The following EPB41L5 variants were observed in gnomAD, a reference collection of about 807,000 sequenced individuals.
The protein encoded by EPB41L5 is erythrocyte membrane protein band 4.1 like 5.
Under a neutral mutation model 106.6 loss-of-function variants are expected in EPB41L5, and 55 were observed. The observed-to-expected ratio is 0.52, with a 90% CI of 0.42 to 0.65. The LOEUF is 0.65. Ranked by LOEUF, EPB41L5 falls within the 30% of genes least tolerant of loss-of-function variation. EPB41L5 has a pLI of 0.00. For synonymous variants in EPB41L5, 297 were observed against 306.7 expected, an observed-to-expected ratio of 0.97 and a Z score of 0.33; for missense variants, 871 against 882.1, an observed-to-expected ratio of 0.99 and a Z score of 0.16.
chr2:120,146,421 A>C, intron 20 of EPB41L5, 132 bp downstream of exon 20: 1 of 589,112 alleles, frequency 1.7e-6, no homozygotes, highest in Non-Finnish European at 3.0e-6. Flanking sequence ...TATTGTATCC[A>C]TTACAGACCA....
chr2:120,122,022 G>C (rs1685238308), intron 16 of EPB41L5, among the ~76,000 whole-genome samples: 1 of 151,948 alleles, frequency 6.6e-6, no homozygotes, highest in African/African-American at 2.4e-5. Flanking sequence ...TTTTTGATGG[G>C]GTTGTTTTTT....
Position 120,150,090 on chromosome 2 carries a change from G to A in EPB41L5, c.1793+3801G>A, listed in dbSNP as rs190168762. Among the ~76,000 whole-genome samples, 42 of 151,986 alleles carry A rather than the reference G, an allele frequency of 2.8e-4. No homozygotes were observed. In the East Asian group the frequency reaches 7.0e-3, roughly 25 times the overall value. On this transcript the variant is annotated intron_variant, in intron 20 of 24. Coordinates refer to ENST00000263713, the MANE Select transcript of EPB41L5 (RefSeq NM_020909.4). The stretch of plus-strand genomic sequence containing the variant: ...TTTTCATTTCTGGGAGAGACAAGGT[G>A]TCACTGTGTTGCCCAGGCTGGTCTT...
chr2:120,075,660 A>G (rs1558850611), intron 6 of EPB41L5, 41 bp from the exon 7 acceptor site: 1 of 1,555,144 alleles, frequency 6.4e-7, no homozygotes, highest in Non-Finnish European at 8.9e-7. Flanking sequence ...AATGAAGGTT[A>G]TGAAATCAAC....
In EPB41L5 at chr2:120,093,381, T is replaced by C. The variant is rs1683542863; in HGVS notation, c.1178+105T>C. ...ACCTATCAAAATGTCAAGTTGTCCG[T>C]AAAGCACCAGGGATATGTCAGGGAA... On this transcript the variant is annotated intron_variant, in intron 14 of 24. Transcript: ENST00000263713. 4.3e-6 allele frequency: 4 copies of C among 921,634 alleles called. No homozygotes were observed. In the Admixed American group the frequency reaches 7.1e-5, roughly 16 times the overall value. The allele number at this position is 921,634 out of a possible 1,614,324, so 57.1% of individuals were successfully genotyped here. A position where few individuals can be genotyped will look rare whatever the true frequency, so the allele number is the denominator to read the frequency against.
At chr2:120,027,969 T>C (rs758738496) in intron 2 of EPB41L5, among the ~76,000 whole-genome samples, 2 of 152,026 alleles carry the variant, frequency 1.3e-5, no homozygotes, top group Non-Finnish European at 2.9e-5. Context: ...TTCAAGCGAT[T>C]CTACTGCCTC....
At chr2:120,030,726 G>GT (rs755989732) in intron 2 of EPB41L5, among the ~76,000 whole-genome samples, 6 of 149,836 alleles carry the variant, frequency 4.0e-5, no homozygotes, top group East Asian at 2.0e-4. Flanking sequence ...GCTAATTTTT[G>GT]TGTTTTTTAC....
At chr2:120,135,615 C>T (rs1224865667) in intron 18 of EPB41L5, among the ~76,000 whole-genome samples, 2 of 152,088 alleles carry the variant, frequency 1.3e-5, no homozygotes, top group Non-Finnish European at 2.9e-5. Flanking sequence ...AGAAAAGAAA[C>T]AAACAACATA....
At chr2:120,077,604 G>C (rs940211102) in intron 9 of EPB41L5, among the ~76,000 whole-genome samples, 2 of 151,982 alleles carry the variant, frequency 1.3e-5, no homozygotes, top group African/African-American at 4.8e-5. Flanking sequence ...ATTGTTTTAA[G>C]CTTTTGAGCC....
chr2:120,047,512 G>A (rs1449476656), intron 3 of EPB41L5, among the ~76,000 whole-genome samples: 1 of 151,978 alleles, frequency 6.6e-6, no homozygotes, highest in East Asian at 1.9e-4. Context: ...CATTGATTTT[G>A]TATCCTGAGA....
Position 120,164,920 on chromosome 2 carries a change from C to G in EPB41L5, c.1962+10C>G. 2 of 1,583,132 alleles carry G rather than the reference C, an allele frequency of 1.3e-6. No individual in the cohort carries two copies. The highest frequency in any genetic ancestry group is 1.7e-6 in the Non-Finnish European group (2 of 1,162,476). The stretch of plus-strand genomic sequence containing the variant: ...CACAGTTGCACCTCAGGTAAATATG[C>G]TTTAAAATAGTATGATGGAAAGAAA... On this transcript the variant is annotated intron_variant, in intron 22 of 24. Transcript: ENST00000263713.
intron 2 of EPB41L5, among the ~76,000 whole-genome samples, chr2:120,040,060 GTCTGTGCTTTT>G (rs1679303404): frequency 6.7e-6 from 1 of 148,400 alleles, no homozygotes; most frequent in East Asian, 2.0e-4. Context: ...CTGAACTTTT[GTCTGTGCTTTT>G]TATATATATA....
rs186553967 is a variant in EPB41L5 at position 120,015,122 on chromosome 2, G to A, written c.-9+1912G>A. On this transcript the variant is annotated intron_variant, in intron 1 of 24. Transcript: ENST00000263713. ...GCGGATCACGAGGTCAGGAGATGGA[G>A]ACTATCCTGGCTAACACGGTGAAAC... is the stretch of plus-strand genomic sequence containing the variant. 5.2e-3 allele frequency among the ~76,000 whole-genome samples: 788 copies of A among 151,454 alleles called. 1 individual carries two copies. Among genetic ancestry groups the A allele is most frequent in the Non-Finnish European group, 8.2e-3 (554 of 67,732 alleles).
intron 2 of EPB41L5, among the ~76,000 whole-genome samples, chr2:120,040,526 G>A (rs1360296235): frequency 6.6e-6 from 1 of 152,158 alleles, no homozygotes; most frequent in Non-Finnish European, 1.5e-5. Context: ...AGCCTTAGAA[G>A]ATAAGCCATA....
chr2:120,117,002 A>G (rs1182669941), intron 16 of EPB41L5, among the ~76,000 whole-genome samples: 1 of 152,230 alleles, frequency 6.6e-6, no homozygotes, highest in Non-Finnish European at 1.5e-5. Context: ...GTTACCCTTG[A>G]AAATATTTTT....
rs146724724 is a variant in EPB41L5 at position 120,075,989 on chromosome 2, T to C, written c.505+236T>C. Among the ~76,000 whole-genome samples, 6 of 152,340 alleles carry C rather than the reference T, an allele frequency of 3.9e-5. No individual in the cohort carries two copies. In the East Asian group the frequency reaches 1.2e-3, roughly 29 times the overall value. ...TGTTGAAACGTCATACTCTACCTGA[T>C]AAGTCTGTAAATGCTAAGATTGGGC... On this transcript the variant is annotated intron_variant, in intron 7 of 24. Coordinates refer to ENST00000263713, the MANE Select transcript of EPB41L5 (RefSeq NM_020909.4).
intron 2 of EPB41L5, among the ~76,000 whole-genome samples, chr2:120,026,518 G>T (rs1290394744): frequency 6.6e-6 from 1 of 152,092 alleles, no homozygotes; most frequent in Non-Finnish European, 1.5e-5. Flanking sequence ...ACAGGCGCCT[G>T]CCACACACCT....
intron 18 of EPB41L5, among the ~76,000 whole-genome samples, chr2:120,142,058 T>C (rs1009739963): frequency 6.6e-6 from 1 of 150,712 alleles, no homozygotes; most frequent in African/African-American, 2.4e-5. Context: ...GTTGTCAAGA[T>C]TCTTCTCTTT....
intron 12 of EPB41L5, among the ~76,000 whole-genome samples, chr2:120,090,885 C>G (rs1683362988): frequency 6.6e-6 from 1 of 152,052 alleles, no homozygotes; most frequent in Non-Finnish European, 1.5e-5. Context: ...CATTTGTGGT[C>G]CTTTATAAAC....
intron 20 of EPB41L5, 122 bp downstream of exon 20, chr2:120,146,411 T>G (rs1319185614): frequency 5.9e-6 from 4 of 677,066 alleles, no homozygotes; most frequent in Non-Finnish European, 1.0e-5. Context: ...GAATTCACTC[T>G]ATTGTATCCA....
Sources: allele counts gnomAD v4.1 joint callset (sites outside exome capture counted in the v4.1 genomes callset), GRCh38; gene constraint gnomAD v4.1.1; transcripts MANE v1.5; gene names NCBI Gene and HGNC (gene_info 2026-07-23, HGNC 2026-07-21).